The following RASSF5 variants were observed in gnomAD, a reference collection of about 807,000 sequenced individuals.
RASSF5 encodes the protein ras association domain-containing protein 5.
Under a neutral mutation model 40.5 loss-of-function variants are expected in RASSF5, and 25 were observed. That is an observed-to-expected ratio of 0.62 (90% CI 0.45 to 0.86). The LOEUF (loss-of-function observed/expected upper bound fraction) is 0.86. Among genes scored for constraint, RASSF5 ranks in the 40% least tolerant of loss-of-function variants. The pLI is 0.00. For synonymous variants in RASSF5, 246 were observed against 252.4 expected (o/e 0.97, Z 0.24); for missense variants, 521 against 572.8 (o/e 0.91, Z 0.92).
chr1:206,557,452 G>C (rs1470575700), intron 2 of RASSF5: 2 of 1,456,128 alleles, frequency 1.4e-6, no homozygotes, highest in Non-Finnish European at 1.8e-6. Flanking sequence ...TCCCGGCTCG[G>C]GGCTCAGAGC....
chr1:206,570,052 T>C (rs1195457084), intron 2 of RASSF5, among the ~76,000 whole-genome samples: 1 of 150,822 alleles, frequency 6.6e-6, no homozygotes, highest in Admixed American at 6.6e-5. Flanking sequence ...TTTATTGTGG[T>C]AAAATACACA....
intron 2 of RASSF5, among the ~76,000 whole-genome samples, chr1:206,569,346 G>A (rs948225624): frequency 2.6e-5 from 4 of 152,212 alleles, no homozygotes; most frequent in Non-Finnish European, 5.9e-5. Flanking sequence ...TTTGGGAGGG[G>A]AAGAAGAGGA....
At chr1:206,538,377 G>A (rs1287642273) in intron 2 of RASSF5, 84 bp downstream of exon 2, 3 of 1,577,012 alleles carry the variant, frequency 1.9e-6, no homozygotes, top group African/African-American at 2.7e-5. Context: ...GAGCTCTGGT[G>A]AGCAGGAGGT....
intron 2 of RASSF5, among the ~76,000 whole-genome samples, chr1:206,574,505 C>G (rs1261375976): frequency 6.6e-6 from 1 of 152,208 alleles, no homozygotes; most frequent in African/African-American, 2.4e-5. Flanking sequence ...TTTCCATTCT[C>G]AACCTCCACC....
At position 206,535,930 on chromosome 1, in the gene RASSF5, T is replaced by C. The variant is rs1667381865; in HGVS notation, c.458-2242T>C. Among the ~76,000 whole-genome samples the C allele has an allele frequency of 6.6e-6, 1 of 152,060 alleles. No homozygotes were observed. The highest frequency in any genetic ancestry group is 2.4e-5 in the African/African-American group (1 of 41,388). ...AGCTGGGCGAGCTTTCAGTCCTTCC[T>C]CCTTTTCCTTGCTGCCATTTCTTGG... On this transcript the variant is annotated intron_variant, in intron 1 of 5. Coordinates refer to ENST00000579436, the MANE Select transcript of RASSF5 (RefSeq NM_182663.4). This position sits in a 1 kb window ranked among gnomAD's most constrained non-coding sequence, Gnocchi z 5.0.
At chr1:206,508,876 C>A (rs1480689327) in intron 1 of RASSF5, among the ~76,000 whole-genome samples, 1 of 152,112 alleles carries the variant, frequency 6.6e-6, no homozygotes, top group Non-Finnish European at 1.5e-5. Flanking sequence ...CACTGGGCCC[C>A]CAGTGTATAG....
At chr1:206,575,252 T>G (rs1179629247) in intron 2 of RASSF5, among the ~76,000 whole-genome samples, 1 of 152,134 alleles carries the variant, frequency 6.6e-6, no homozygotes, top group African/African-American at 2.4e-5. Flanking sequence ...CAGATGGACA[T>G]TCTCCTGTAG....
At position 206,507,832 on chromosome 1, in the gene RASSF5, C is replaced by T; in HGVS notation, c.230C>T (p.Ser77Phe). 6.9e-7 allele frequency: 1 copy of T among 1,441,778 alleles called. No homozygotes were observed. Among genetic ancestry groups the T allele is most frequent in the Non-Finnish European group, 9.1e-7 (1 of 1,103,888 alleles). 89.3% of individuals were successfully genotyped at this position (1,441,778 alleles called of 1,614,324 possible). A position where few individuals can be genotyped will look rare whatever the true frequency, so the allele number is the denominator to read the frequency against. The part of the protein sequence containing the change: ...RGNLEPPPRA[S>F]RPARPLRPGL... ...AACCTGGAGCCCCCGCCCCGGGCCT[C>T]CCGACCCGCTCGCCCGCTCCGGCCT... Residue 77 changes from serine (S) to phenylalanine (F), a missense_variant, in exon 1 of 6, where the codon TCC becomes TTC. Physicochemically the swap from Ser to Phe is radical, Grantham distance 155. This residue lies in a region of RASSF5 where 237 missense variants were observed against 212.0 expected (regional missense o/e 1.12). Coordinates refer to ENST00000579436, the MANE Select transcript of RASSF5 (RefSeq NM_182663.4).
Position 206,523,760 on chromosome 1 carries a change from T to G in RASSF5, c.458-14412T>G, listed in dbSNP as rs1666997427. ...TATAATATATTTTATATAATATACA[T>G]AATATATTTTATATATTATATATAA... On this transcript the variant is annotated intron_variant, in intron 1 of 5. Transcript: ENST00000579436. Among the ~76,000 whole-genome samples the G allele has an allele frequency of 3.0e-5, 3 of 100,694 alleles. No individual in the cohort carries two copies. In the South Asian group the frequency reaches 7.5e-4, roughly 25 times the overall value. The allele number at this position is 100,694 out of a possible 152,430, so 66.1% of individuals were successfully genotyped here. A position where few individuals can be genotyped will look rare whatever the true frequency, so the allele number is the denominator to read the frequency against.
At chr1:206,522,035 T>C (rs1300618508) in intron 1 of RASSF5, among the ~76,000 whole-genome samples, 1 of 152,228 alleles carries the variant, frequency 6.6e-6, no homozygotes, top group African/African-American at 2.4e-5. Context: ...TAAATTATTT[T>C]TTTTTTCTTA....
At position 206,584,858 on chromosome 1, in the gene RASSF5, G is replaced by T; in HGVS notation, c.988+174G>T. ...GAATCCGGGCAGGGAGGCAAGAGCA[G>T]AGTCCCTGACTCTGCATGTGACTTC... is the stretch of plus-strand genomic sequence containing the variant. On this transcript the variant is annotated intron_variant, in intron 4 of 5. Coordinates refer to ENST00000579436, the MANE Select transcript of RASSF5 (RefSeq NM_182663.4). This position sits in a 1 kb window ranked among gnomAD's most constrained non-coding sequence, Gnocchi z 4.9. The T allele has an allele frequency of 1.5e-6, 1 of 688,848 alleles. No homozygotes were observed. Among genetic ancestry groups the T allele is most frequent in the South Asian group, 1.9e-5 (1 of 53,618 alleles). 42.7% of individuals were successfully genotyped at this position (688,848 alleles called of 1,614,324 possible).
In RASSF5 at chr1:206,552,485, G is replaced by A. The variant is rs575292724; in HGVS notation, c.579+14192G>A. Among the ~76,000 whole-genome samples the A allele has an allele frequency of 1.3e-5, 2 of 152,284 alleles. No individual in the cohort carries two copies. The highest frequency in any genetic ancestry group is 2.1e-4 in the South Asian group (1 of 4,824). ...AGGGTGGCTTCTGGGAATGTGGATC[G>A]AATTTTGTGCAGCTGTAATGAGGGT... On this transcript the variant is annotated intron_variant, in intron 2 of 5. Coordinates refer to ENST00000579436, the MANE Select transcript of RASSF5 (RefSeq NM_182663.4). This position sits in a 1 kb window ranked among gnomAD's most constrained non-coding sequence, Gnocchi z 4.1.
chr1:206,538,975 A>G (rs1667482857), intron 2 of RASSF5, among the ~76,000 whole-genome samples: 1 of 152,218 alleles, frequency 6.6e-6, no homozygotes, highest in African/African-American at 2.4e-5. Flanking sequence ...GGGGAGGCAG[A>G]ATACCAACAA....
intron 2 of RASSF5, among the ~76,000 whole-genome samples, chr1:206,545,056 G>C (rs934200436): frequency 6.6e-6 from 1 of 152,026 alleles, no homozygotes; most frequent in Non-Finnish European, 1.5e-5. Context: ...CTGAGGCCCC[G>C]GGCTCCCTAA....
chr1:206,534,417 G>A (rs1381542604), intron 1 of RASSF5, among the ~76,000 whole-genome samples: 2 of 152,310 alleles, frequency 1.3e-5, no homozygotes, highest in Non-Finnish European at 2.9e-5. Context: ...AGAAATGCCT[G>A]TTCTCCCGGA....
chr1:206,587,021 GTAT>G lies in RASSF5; in HGVS notation c.*49_*51del. The G allele has an allele frequency of 6.2e-6, 10 of 1,609,446 alleles. No homozygotes were observed. The highest frequency in any genetic ancestry group is 8.5e-6 in the Non-Finnish European group (10 of 1,177,438). ...CCTCCTGGTGCATTCAGATTTATTT[GTAT>G]TATTAATTATTATTTTGCAACAGAC... On this transcript the variant is annotated 3_prime_UTR_variant, in exon 6 of 6. Coordinates refer to ENST00000579436, the MANE Select transcript of RASSF5 (RefSeq NM_182663.4).
chr1:206,552,863 T>C lies in RASSF5; in HGVS notation c.579+14570T>C, dbSNP rs1667878396. Among the ~76,000 whole-genome samples, 1 of 152,208 alleles carries C rather than the reference T, an allele frequency of 6.6e-6. No individual in the cohort carries two copies. The highest frequency in any genetic ancestry group is 6.5e-5 in the Admixed American group (1 of 15,288). On this transcript the variant is annotated intron_variant, in intron 2 of 5. Transcript: ENST00000579436. The surrounding 1 kb of genome is among the most constrained non-coding windows in gnomAD (Gnocchi z 4.1). The stretch of plus-strand genomic sequence containing the variant: ...TTATTAGAAGGTAGGGACTGTGTCT[T>C]ATTCATGCCCAAACTCAGACACTCA...
chr1:206,578,061 C>CA (rs1252367021), intron 2 of RASSF5, among the ~76,000 whole-genome samples: 1 of 135,998 alleles, frequency 7.4e-6, no homozygotes, highest in Non-Finnish European at 1.6e-5. Context: ...CTCATTTCTA[C>CA]AAAAAAATAA....
At position 206,589,362 on chromosome 1, in the gene RASSF5, T is replaced by C. The variant is rs1286979739; in HGVS notation, c.*2384T>C. Reference sequence around the variant, plus strand: ...GAGGGTGAGAATGGACATGATCACATGCTTCCTGGTGGAGTCAGATTTTCT... The same window carrying C: ...GAGGGTGAGAATGGACATGATCACACGCTTCCTGGTGGAGTCAGATTTTCT... On this transcript the variant is annotated 3_prime_UTR_variant, in exon 6 of 6. Transcript: ENST00000579436. 2.0e-5 allele frequency: 3 copies of C among 152,696 alleles called. No individual in the cohort carries two copies. The highest frequency in any genetic ancestry group is 4.4e-5 in the Non-Finnish European group (3 of 68,036). The allele number at this position is 152,696 out of a possible 1,614,324, so 9.5% of individuals were successfully genotyped here. A position where few individuals can be genotyped will look rare whatever the true frequency, so the allele number is the denominator to read the frequency against.
Sources: gnomAD v4.1 joint callset for allele counts (sites outside exome capture counted in the v4.1 genomes callset) on GRCh38, gnomAD v4.1.1 for gene constraint, gnomAD v4.1.1 regional missense constraint, Gnocchi (gnomAD v3.1) non-coding constraint, MANE v1.5 for transcripts, NCBI Gene and HGNC (gene_info 2026-07-23, HGNC 2026-07-21) for gene names.